Variants in ZNF385D observed in about 807,000 individuals in gnomAD.
ZNF385D encodes the protein zinc finger protein 385D.
In ZNF385D, 15 loss-of-function variants were observed where a neutral mutation model predicts 35.8. The ratio of observed to expected loss-of-function variants is 0.42; its 90% CI spans 0.28 to 0.64. ZNF385D has a LOEUF of 0.64. ZNF385D is among the 30% of genes least tolerant of loss of function. ZNF385D has a pLI of 0.23. For synonymous variants in ZNF385D, 212 were observed against 186.8 expected (o/e 1.13, Z -1.10); for missense variants, 474 against 494.6 (o/e 0.96, Z 0.39).
intron 3 of ZNF385D, among the ~76,000 whole-genome samples, chr3:21,909,625 A>C (rs1699864590): frequency 6.6e-6 from 1 of 152,052 alleles, no homozygotes; most frequent in Non-Finnish European, 1.5e-5. Flanking sequence ...ATTGTTGCAA[A>C]GTCACAAACC....
At chr3:21,471,320 C>G (rs1255764091) in intron 4 of ZNF385D, among the ~76,000 whole-genome samples, 1 of 146,546 alleles carries the variant, frequency 6.8e-6, no homozygotes, top group Non-Finnish European at 1.5e-5. Flanking sequence ...CACACACACA[C>G]ACACACACAC....
intron 3 of ZNF385D, among the ~76,000 whole-genome samples, chr3:21,767,164 T>C (rs894618875): frequency 2.0e-5 from 3 of 151,778 alleles, no homozygotes; most frequent in Non-Finnish European, 2.9e-5. Flanking sequence ...TTGAGAGTCT[T>C]ATGGAAATCA....
chr3:22,149,968 A>G (rs1705113841), intron 3 of ZNF385D, among the ~76,000 whole-genome samples: 1 of 152,200 alleles, frequency 6.6e-6, no homozygotes, highest in Non-Finnish European at 1.5e-5. Flanking sequence ...ATGTTTTAAT[A>G]TTGAATTCCT....
intron 3 of ZNF385D, among the ~76,000 whole-genome samples, chr3:21,841,953 CACAA>C (rs763710592): frequency 2.6e-5 from 4 of 151,380 alleles, no homozygotes; most frequent in East Asian, 3.9e-4. Context: ...TACACACATA[CACAA>C]ACACACATAT....
At chr3:22,082,292 C>T (rs575566571) in intron 3 of ZNF385D, among the ~76,000 whole-genome samples, 13 of 152,178 alleles carry the variant, frequency 8.5e-5, no homozygotes, top group Admixed American at 4.6e-4. Context: ...AATTCCCTTT[C>T]CTAGCCAAGG....
At chr3:21,933,469 G>A (rs1185394200) in intron 3 of ZNF385D, among the ~76,000 whole-genome samples, 1 of 152,102 alleles carries the variant, frequency 6.6e-6, no homozygotes, top group South Asian at 2.1e-4. Flanking sequence ...CACAGAATTT[G>A]TCCCCATTTG....
intron 2 of ZNF385D, among the ~76,000 whole-genome samples, chr3:22,271,386 C>T (rs1223626095): frequency 6.6e-6 from 1 of 151,846 alleles, no homozygotes; most frequent in Admixed American, 6.6e-5. Flanking sequence ...TTGTCTAATA[C>T]AAGATTTTTC....
intron 3 of ZNF385D, among the ~76,000 whole-genome samples, chr3:21,931,214 A>T (rs2125246820): frequency 6.6e-6 from 1 of 152,338 alleles, no homozygotes; most frequent in East Asian, 1.9e-4. Context: ...TTAGTAGTTA[A>T]GAAAATGCAA....
At chr3:21,753,795 G>A (rs1239267851), upstream of ZNF385D, among the ~76,000 whole-genome samples, 2 of 151,676 alleles carry the variant, frequency 1.3e-5, no homozygotes, top group East Asian at 3.9e-4. Flanking sequence ...GTTGTTGTGT[G>A]TGTGTGTGTG....
intron 3 of ZNF385D, among the ~76,000 whole-genome samples, chr3:21,851,415 T>A (rs1008604076): frequency 1.3e-5 from 2 of 152,058 alleles, no homozygotes; most frequent in Non-Finnish European, 2.9e-5. Flanking sequence ...CACTCCTAAG[T>A]GTTTTTACAA....
At chr3:22,299,551 C>T (rs1702784067) in intron 2 of ZNF385D, among the ~76,000 whole-genome samples, 1 of 151,718 alleles carries the variant, frequency 6.6e-6, no homozygotes, top group Non-Finnish European at 1.5e-5. Flanking sequence ...TTGTGAACAA[C>T]ATGATCTTAC....
chr3:21,570,699 C>T (rs1355232939), intron 2 of ZNF385D, among the ~76,000 whole-genome samples: 1 of 152,012 alleles, frequency 6.6e-6, no homozygotes, highest in Non-Finnish European at 1.5e-5. Context: ...CTTTTATGGC[C>T]CTTTGTCCAA....
At chr3:22,108,984 C>G (rs186051774) in intron 3 of ZNF385D, among the ~76,000 whole-genome samples, 18 of 152,298 alleles carry the variant, frequency 1.2e-4, no homozygotes, top group Non-Finnish European at 2.4e-4. Flanking sequence ...TGCACTCCAG[C>G]CTGGGTGACA....
chr3:22,041,322 C>T (rs1426028168), intron 3 of ZNF385D, among the ~76,000 whole-genome samples: 1 of 152,080 alleles, frequency 6.6e-6, no homozygotes, highest in Non-Finnish European at 1.5e-5. Flanking sequence ...ATTGGCAAGG[C>T]AAGGATCCCA....
intron 2 of ZNF385D, among the ~76,000 whole-genome samples, chr3:22,357,119 T>A (rs930685086): frequency 6.6e-6 from 1 of 152,038 alleles, no homozygotes; most frequent in African/African-American, 2.4e-5. Flanking sequence ...TACATAGTAC[T>A]TTTCCTGTCT....
chr3:22,306,887 C>T (rs1703255460), intron 2 of ZNF385D, among the ~76,000 whole-genome samples: 1 of 152,140 alleles, frequency 6.6e-6, no homozygotes, highest in Non-Finnish European at 1.5e-5. Context: ...CTCAAGACAG[C>T]TGCGCTTTGA....
At chr3:22,218,228 T>G (rs1206805604) in intron 2 of ZNF385D, among the ~76,000 whole-genome samples, 1 of 152,132 alleles carries the variant, frequency 6.6e-6, no homozygotes, top group Non-Finnish European at 1.5e-5. Context: ...TTAATTTTAT[T>G]TAGCATCTCT....
chr3:22,001,555 C>T (rs1363505575), intron 3 of ZNF385D, among the ~76,000 whole-genome samples: 2 of 151,926 alleles, frequency 1.3e-5, no homozygotes, highest in African/African-American at 2.4e-5. Context: ...CTTCAATACT[C>T]CACTCTCAGC....
In ZNF385D at chr3:22,298,739, C is replaced by T. The variant is rs1349693086; in HGVS notation, c.106+73711G>A. On this transcript the variant is annotated intron_variant, in intron 2 of 5. Transcript: ENST00000494108. ...AAAAAAAATAAAATGATCTAATTTCCATTTTGGAGATTTCATTTTCTTACC... is the reference window on the plus strand; with the variant it reads ...AAAAAAAATAAAATGATCTAATTTCTATTTTGGAGATTTCATTTTCTTACC... Among the ~76,000 whole-genome samples, 8 of 149,906 alleles carry T rather than the reference C, an allele frequency of 5.3e-5. No individual in the cohort carries two copies. In the South Asian group the frequency reaches 8.4e-4, roughly 16 times the overall value.
Sources: gnomAD v4.1 joint callset for allele counts (sites outside exome capture counted in the v4.1 genomes callset) on GRCh38, gnomAD v4.1.1 for gene constraint, MANE v1.5 for transcripts, NCBI Gene and HGNC (gene_info 2026-07-23, HGNC 2026-07-21) for gene names.